TRMT1L: variants seen among roughly 807,000 people sequenced by gnomAD.
The protein encoded by TRMT1L is tRNA methyltransferase 1L.
A neutral mutation model predicts 81.6 loss-of-function variants in TRMT1L; 28 were observed. The ratio of observed to expected loss-of-function variants is 0.34; its 90% CI spans 0.25 to 0.47. The LOEUF (loss-of-function observed/expected upper bound fraction) is 0.47, where lower values mean the gene tolerates loss of function less well. Among genes scored for constraint, TRMT1L ranks in the 20% least tolerant of loss-of-function variants. The probability of loss-of-function intolerance (pLI) is 1.00; values close to 1 mark genes in which losing one functional copy is unlikely to be tolerated. For synonymous variants in TRMT1L, 301 were observed against 303.2 expected, an observed-to-expected ratio of 0.99 and a Z score of 0.07; for missense variants, 739 against 877.1, an observed-to-expected ratio of 0.84 and a Z score of 1.99.
intron 4 of TRMT1L, among the ~76,000 whole-genome samples, chr1:185,146,621 GA>G (rs1260019611): frequency 2.0e-5 from 3 of 152,006 alleles, no homozygotes; most frequent in South Asian, 4.1e-4. Context: ...GTAATAATGG[GA>G]ACTCATTACG....
rs566003509 is a variant in TRMT1L, at chr1:185,150,863, G to A, written c.347-371C>T. Among the ~76,000 whole-genome samples, 3 of 152,300 alleles carry A rather than the reference G, an allele frequency of 2.0e-5. No individual in the cohort carries two copies. In the South Asian group the frequency reaches 6.2e-4, roughly 32 times the overall value. The stretch of plus-strand genomic sequence containing the variant: ...GCAGTTACACTCCCAAAAGGACAGG[G>A]ATTGGACAAAGAGCAAAAGTATGTG... On this transcript the variant is annotated intron_variant, in intron 2 of 14. Transcript: ENST00000367506.
intron 4 of TRMT1L, among the ~76,000 whole-genome samples, chr1:185,146,093 G>C (rs560398656): frequency 2.3e-4 from 35 of 151,936 alleles, no homozygotes; most frequent in African/African-American, 7.5e-4. Flanking sequence ...GTAAATAACT[G>C]TAAGTGCACA....
Position 185,156,529 on chromosome 1 carries a change from C to A in TRMT1L, c.184G>T (p.Ala62Ser). The A allele has an allele frequency of 6.2e-7, 1 of 1,612,818 alleles. No individual in the cohort carries two copies. Among genetic ancestry groups the A allele is most frequent in the Non-Finnish European group, 8.5e-7 (1 of 1,179,430 alleles). ...GCTAGGGACGGGGACAGGGCCGGAGCCTGGGCCAGGGCAGGGGCTGGGGCT... is the reference window on the plus strand; with the variant it reads ...GCTAGGGACGGGGACAGGGCCGGAGACTGGGCCAGGGCAGGGGCTGGGGCT... ...APAPAPALAQAPALSPSLASA... is the reference protein window; with the variant it reads ...APAPAPALAQSPALSPSLASA... The change falls in exon 1 of 15, where the codon GCT (alanine) becomes TCT (serine). Residue 62 changes from alanine (A) to serine (S), a missense_variant. Around this residue, in one of 4 missense-constraint regions of TRMT1L, gnomAD observed 209 missense variants for 165.4 expected, o/e 1.26. Transcript: ENST00000367506.
chr1:185,128,874 T>G (rs962610275), intron 10 of TRMT1L, 127 bp from the exon 11 acceptor site: 3 of 778,364 alleles, frequency 3.9e-6, no homozygotes, highest in Middle Eastern at 3.4e-4. Context: ...GGTATTATGC[T>G]AAGTATTTTA....
chr1:185,136,380 C>G (rs537551469), intron 10 of TRMT1L, among the ~76,000 whole-genome samples: 1 of 151,682 alleles, frequency 6.6e-6, no homozygotes, highest in African/African-American at 2.4e-5. Flanking sequence ...TGAACTCCAG[C>G]CTGGATAGAA....
intron 11 of TRMT1L, among the ~76,000 whole-genome samples, chr1:185,126,024 G>T (rs1652619707): frequency 6.6e-6 from 1 of 152,126 alleles, no homozygotes; most frequent in Admixed American, 6.6e-5. Context: ...AGAATCACAG[G>T]TATAATGGAC....
chr1:185,150,271 C>A, intron 3 of TRMT1L, 108 bp downstream of exon 3: 4 of 745,268 alleles, frequency 5.4e-6, no homozygotes, highest in Non-Finnish European at 8.9e-6. Context: ...AAACCCCTCA[C>A]ATTTTAAACT....
chr1:185,150,864 A>T (rs539947067), intron 2 of TRMT1L, among the ~76,000 whole-genome samples: 30 of 152,340 alleles, frequency 2.0e-4, no homozygotes, highest in African/African-American at 7.0e-4. Context: ...AAGGACAGGG[A>T]TTGGACAAAG....
chr1:185,143,374 T>C lies in TRMT1L; in HGVS notation c.842A>G (p.Asp281Gly). Residue 281 changes from aspartate (D) to glycine (G), a missense_variant, in exon 7 of 15, where the codon GAT (aspartate) becomes GGT (glycine). Around this residue, in one of 4 missense-constraint regions of TRMT1L, gnomAD observed 331 missense variants for 462.2 expected, o/e 0.72. Coordinates refer to ENST00000367506, the MANE Select transcript of TRMT1L (RefSeq NM_030934.5). ...AEERKPLECL[D>G]AFGATGIMGL... is the part of the protein sequence containing the mutation. Reference sequence around the variant, plus strand: ...TCACTTACCAGTGGCTCCAAAAGCATCTAGACATTCCAAAGGTTTTCGTTC... The same window carrying C: ...TCACTTACCAGTGGCTCCAAAAGCACCTAGACATTCCAAAGGTTTTCGTTC... 1 of 1,608,324 alleles carries C rather than the reference T, an allele frequency of 6.2e-7. No individual in the cohort carries two copies. Among genetic ancestry groups the C allele is most frequent in the Non-Finnish European group, 8.5e-7 (1 of 1,176,936 alleles).
chr1:185,137,422 A>C (rs1201058275), intron 10 of TRMT1L, 184 bp downstream of exon 10: 2 of 715,518 alleles, frequency 2.8e-6, no homozygotes, highest in Admixed American at 2.0e-5. Context: ...AGCATGAGTA[A>C]ATAACTTTAA....
chr1:185,141,691 G>A (rs576634603), intron 7 of TRMT1L, among the ~76,000 whole-genome samples: 5 of 152,162 alleles, frequency 3.3e-5, no homozygotes, highest in South Asian at 2.1e-4. Context: ...GTGACAGAGC[G>A]AAACTCTGTC....
intron 13 of TRMT1L, among the ~76,000 whole-genome samples, chr1:185,123,590 T>A (rs1343231771): frequency 6.6e-6 from 1 of 152,146 alleles, no homozygotes. Flanking sequence ...TCATATATAA[T>A]TTGATCTTAT....
At position 185,120,120 on chromosome 1, in the gene TRMT1L, A is replaced by G. The variant is rs1450312120; in HGVS notation, c.2101T>C (p.Ser701Pro). The change falls in exon 15 of 15, where the codon TCA (serine) becomes CCA (proline). Residue 701 changes from serine (S) to proline (P), a missense_variant. Physicochemically the swap from Ser to Pro is moderately conservative, Grantham distance 74. Coordinates refer to ENST00000367506, the MANE Select transcript of TRMT1L (RefSeq NM_030934.5). ...YSTPTYTGGQ[S>P]ESHVQSASED... The stretch of plus-strand genomic sequence containing the variant: ...GATGCTGACTGGACATGGCTTTCTG[A>G]CTGTCCTCCAGTGTAGGTGGGGGTG... 2 of 1,613,944 alleles carry G rather than the reference A, an allele frequency of 1.2e-6. No individual in the cohort carries two copies. Among genetic ancestry groups the G allele is most frequent in the Non-Finnish European group, 1.7e-6 (2 of 1,179,946 alleles).
rs142290317 is a variant in TRMT1L, at chr1:185,148,311, G to A, written c.461-1065C>T. Among the ~76,000 whole-genome samples, 307 of 152,026 alleles carry A rather than the reference G, an allele frequency of 2.0e-3. 5 individuals carry two copies. In the South Asian group the frequency reaches 0.031, roughly 16 times the overall value. The stretch of plus-strand genomic sequence containing the variant: ...TTTAAATGCCCAAATTTCTGGTTCC[G>A]GCCTTCTTTCCCACACTTGGTCCTA... On this transcript the variant is annotated intron_variant, in intron 3 of 14. Transcript: ENST00000367506.
intron 6 of TRMT1L, 149 bp downstream of exon 6, chr1:185,143,756 GA>G: frequency 1.4e-6 from 1 of 716,024 alleles, no homozygotes; most frequent in Non-Finnish European, 2.0e-6. Context: ...TAGAAAAAAA[GA>G]AACAATTCTT....
intron 7 of TRMT1L, among the ~76,000 whole-genome samples, chr1:185,141,213 T>C (rs1653033292): frequency 6.6e-6 from 1 of 152,098 alleles, no homozygotes; most frequent in Non-Finnish European, 1.5e-5. Context: ...AAAAATACCA[T>C]GTGTTATGGA....
At position 185,145,503 on chromosome 1, in the gene TRMT1L, A is replaced by G. The variant is rs1340239513; in HGVS notation, c.591T>C (p.Thr197=). Residue 197 remains threonine (T), a synonymous_variant, in exon 5 of 15, where the codon ACT becomes ACC. Coordinates refer to ENST00000367506, the MANE Select transcript of TRMT1L (RefSeq NM_030934.5). The stretch of plus-strand genomic sequence containing the variant: ...GGCGCCTAACATGTCCTAGCATATC[A>G]GTTCTTCTGGTGATTGTTGCTGAAC... ...IICSATITRR[T]DMLGHVRRHM... 1 of 1,612,222 alleles carries G rather than the reference A, an allele frequency of 6.2e-7. No homozygotes were observed. The highest frequency in any genetic ancestry group is 1.7e-5 in the Admixed American group (1 of 59,960).
In TRMT1L at chr1:185,156,461, G is replaced by C. The variant is rs201372497; in HGVS notation, c.235+17C>G. ...TCTCTCTTCTGCAGCAGAAAGATCT[G>C]GGCCTTCTGCACTTACTGCTTTTAG... On this transcript the variant is annotated intron_variant, in intron 1 of 14. Transcript: ENST00000367506. 1.1e-5 allele frequency: 18 copies of C among 1,613,858 alleles called. No homozygotes were observed. Among genetic ancestry groups the C allele is most frequent in the Admixed American group, 6.7e-5 (4 of 60,024 alleles).
At chr1:185,125,567 T>C (rs576066637) in intron 11 of TRMT1L, among the ~76,000 whole-genome samples, 10 of 152,192 alleles carry the variant, frequency 6.6e-5, no homozygotes, top group African/African-American at 1.9e-4. Context: ...CAAGAATCTA[T>C]TGAGGCTGGG....
Sources: gnomAD v4.1 joint callset for allele counts (sites outside exome capture counted in the v4.1 genomes callset) on GRCh38, gnomAD v4.1.1 for gene constraint, gnomAD v4.1.1 regional missense constraint, MANE v1.5 for transcripts, NCBI Gene and HGNC (gene_info 2026-07-23, HGNC 2026-07-21) for gene names.